The following ZNF395 variants were observed in gnomAD, a reference collection of about 807,000 sequenced individuals.
ZNF395 encodes the protein HD gene regulatory region-binding protein 2.
A neutral mutation model predicts 57.7 loss-of-function variants in ZNF395; 20 were observed. That is an observed-to-expected ratio of 0.35 (90% CI 0.24 to 0.50). ZNF395 has a LOEUF of 0.50. Ranked by LOEUF, ZNF395 falls within the 20% of genes least tolerant of loss-of-function variation. The pLI, the probability that ZNF395 is intolerant of heterozygous loss-of-function variation, is 0.97. For missense variants in ZNF395, 606 were observed against 671.2 expected (o/e 0.90, Z 1.07); for synonymous variants, 295 against 275.9 (o/e 1.07, Z -0.69).
At position 28,374,897 on chromosome 8, in the gene ZNF395, G is replaced by A. The variant is rs578213089; in HGVS notation, c.-59+11496C>T. 1.3e-5 allele frequency among the ~76,000 whole-genome samples: 2 copies of A among 152,148 alleles called. 1 individual carries two copies. The highest frequency in any genetic ancestry group is 4.1e-4 in the South Asian group (2 of 4,834). ...GCTGTCTGTGGTTTTGACTCTTTCAGATGGGAATCAGGATTCCTAATATAA... is the reference window on the plus strand; with the variant it reads ...GCTGTCTGTGGTTTTGACTCTTTCAAATGGGAATCAGGATTCCTAATATAA... On this transcript the variant is annotated intron_variant, in intron 1 of 9. Coordinates refer to ENST00000344423, the MANE Select transcript of ZNF395 (RefSeq NM_018660.3).
intron 1 of ZNF395, among the ~76,000 whole-genome samples, chr8:28,363,784 C>T (rs919253348): frequency 3.7e-4 from 56 of 152,234 alleles, no homozygotes; most frequent in African/African-American, 1.3e-3. Flanking sequence ...CCAACAAACT[C>T]GGTCGATGTT....
chr8:28,385,792 G>A (rs1257902324), intron 1 of ZNF395, among the ~76,000 whole-genome samples: 2 of 148,268 alleles, frequency 1.3e-5, no homozygotes, highest in African/African-American at 4.9e-5. Context: ...GGAGGGCGAG[G>A]TAAACAAGGC....
chr8:28,385,678 C>A (rs1475342153), intron 1 of ZNF395, among the ~76,000 whole-genome samples: 4 of 147,512 alleles, frequency 2.7e-5, no homozygotes, highest in African/African-American at 4.9e-5. Flanking sequence ...GCGGCCCCGC[C>A]GGAAAGGGCC....
rs2129943401 is a variant in ZNF395, at chr8:28,352,514, G to T, written c.920+59C>A. 6.8e-7 allele frequency: 1 copy of T among 1,479,968 alleles called. No individual in the cohort carries two copies. The highest frequency in any genetic ancestry group is 9.4e-7 in the Non-Finnish European group (1 of 1,063,434). 91.7% of individuals were successfully genotyped at this position (1,479,968 alleles called of 1,614,324 possible). Reference sequence around the variant, plus strand: ...GTGGGCTGTGGGTCACAGGGACTCGGCAGGGTGGAGGGACACCCACACGCG... The same window carrying T: ...GTGGGCTGTGGGTCACAGGGACTCGTCAGGGTGGAGGGACACCCACACGCG... On this transcript the variant is annotated intron_variant, in intron 6 of 9. Coordinates refer to ENST00000344423, the MANE Select transcript of ZNF395 (RefSeq NM_018660.3). This position sits in a 1 kb window ranked among gnomAD's most constrained non-coding sequence, Gnocchi z 4.0.
At chr8:28,358,839 GC>G (rs1801813433) in intron 3 of ZNF395, among the ~76,000 whole-genome samples, 1 of 152,214 alleles carries the variant, frequency 6.6e-6, no homozygotes, top group African/African-American at 2.4e-5. Flanking sequence ...GGACGGCCAT[GC>G]CCATTTGTTT....
At position 28,347,459 on chromosome 8, in the gene ZNF395, T is replaced by C. The variant is rs1284052411; in HGVS notation, c.*1260A>G. On this transcript the variant is annotated 3_prime_UTR_variant, in exon 10 of 10. Transcript: ENST00000344423. The stretch of plus-strand genomic sequence containing the variant: ...CGCGCAGGGCTGGTTGGCATGGTGC[T>C]ACACTCCCGAGACCTCCCTCCTTCT... 6.6e-6 allele frequency: 1 copy of C among 152,230 alleles called. No homozygotes were observed. The highest frequency in any genetic ancestry group is 2.4e-5 in the African/African-American group (1 of 41,428). 9.4% of individuals were successfully genotyped at this position (152,230 alleles called of 1,614,324 possible). A position where few individuals can be genotyped will look rare whatever the true frequency, so the allele number is the denominator to read the frequency against.
chr8:28,379,523 CAAAT>C (rs1326862425), intron 1 of ZNF395, among the ~76,000 whole-genome samples: 1 of 152,044 alleles, frequency 6.6e-6, no homozygotes, highest in African/African-American at 2.4e-5. Context: ...AAAATAGAAA[CAAAT>C]AAAAATAAAA....
At position 28,377,748 on chromosome 8, in the gene ZNF395, C is replaced by CTTT. The variant is rs71549661; in HGVS notation, c.-59+8642_-59+8644dup. 2.3e-3 allele frequency among the ~76,000 whole-genome samples: 235 copies of CTTT among 100,630 alleles called. 2 individuals are homozygous for CTTT. The highest frequency in any genetic ancestry group is 7.6e-3 in the African/African-American group (160 of 20,962). The allele number at this position is 100,630 out of a possible 152,430, so 66.0% of individuals were successfully genotyped here. On this transcript the variant is annotated intron_variant, in intron 1 of 9. Transcript: ENST00000344423. ...GAATAGAAGTGGCATGATGATCCCA[C>CTTT]TTTTTTTTTTTTTTTTTTTTTTTTT...
intron 1 of ZNF395, among the ~76,000 whole-genome samples, chr8:28,384,379 G>A (rs1802145716): frequency 1.3e-5 from 2 of 152,204 alleles, no homozygotes; most frequent in South Asian, 4.1e-4. Context: ...CCACCTCACA[G>A]CCTATCTCAA....
Position 28,346,730 on chromosome 8 carries a change from G to A in ZNF395, c.*1989C>T, listed in dbSNP as rs1443446259. On this transcript the variant is annotated 3_prime_UTR_variant, in exon 10 of 10. Coordinates refer to ENST00000344423, the MANE Select transcript of ZNF395 (RefSeq NM_018660.3). Reference sequence around the variant, plus strand: ...GGAGAGGGGAAGGGGAGGCCCTCCTGAGCGAAGTTCCCATGTGTCAAGAAC... The same window carrying A: ...GGAGAGGGGAAGGGGAGGCCCTCCTAAGCGAAGTTCCCATGTGTCAAGAAC... 1 of 151,976 alleles carries A rather than the reference G, an allele frequency of 6.6e-6. No homozygotes were observed. Among genetic ancestry groups the A allele is most frequent in the Non-Finnish European group, 1.5e-5 (1 of 68,018 alleles). The allele number at this position is 151,976 out of a possible 1,614,324, so 9.4% of individuals were successfully genotyped here. A position where few individuals can be genotyped will look rare whatever the true frequency, so the allele number is the denominator to read the frequency against.
Position 28,359,966 on chromosome 8 carries a change from T to C in ZNF395, c.241-142A>G. The C allele has an allele frequency of 7.3e-7, 1 of 1,371,862 alleles. No homozygotes were observed. Among genetic ancestry groups the C allele is most frequent in the Non-Finnish European group, 9.7e-7 (1 of 1,031,996 alleles). 85.0% of individuals were successfully genotyped at this position (1,371,862 alleles called of 1,614,324 possible). ...CTCACTCATCTTTTATTCAAGCAGATGTTCCCAGGTACTCGCTTCCCACCT... is the reference window on the plus strand; with the variant it reads ...CTCACTCATCTTTTATTCAAGCAGACGTTCCCAGGTACTCGCTTCCCACCT... On this transcript the variant is annotated intron_variant, in intron 2 of 9. Coordinates refer to ENST00000344423, the MANE Select transcript of ZNF395 (RefSeq NM_018660.3). The surrounding 1 kb of genome is among the most constrained non-coding windows in gnomAD (Gnocchi z 4.7).
chr8:28,352,695 T>A lies in ZNF395; in HGVS notation c.820-22A>T. Reference sequence around the variant, plus strand: ...AGTTCTACAGGAAAGGAAGACAGGGTGAGTGGATATGTCTTTCTCCTTATC... The same window carrying A: ...AGTTCTACAGGAAAGGAAGACAGGGAGAGTGGATATGTCTTTCTCCTTATC... On this transcript the variant is annotated intron_variant, in intron 5 of 9. Transcript: ENST00000344423. The surrounding 1 kb of genome is among the most constrained non-coding windows in gnomAD (Gnocchi z 4.0). 1.9e-6 allele frequency: 3 copies of A among 1,588,644 alleles called. No individual in the cohort carries two copies. Among genetic ancestry groups the A allele is most frequent in the Non-Finnish European group, 1.7e-6 (2 of 1,157,044 alleles).
At position 28,386,377 on chromosome 8, in the gene ZNF395, C is replaced by T. The variant is rs1323068848; in HGVS notation, c.-59+16G>A. ...GCACCCGCCCAGCACGCCCCCAGCG[C>T]GCCTGGGCTACACACCCCCGGCCGC... On this transcript the variant is annotated intron_variant, in intron 1 of 9. Transcript: ENST00000344423. 2 of 148,490 alleles carry T rather than the reference C, an allele frequency of 1.3e-5. No homozygotes were observed. Among genetic ancestry groups the T allele is most frequent in the African/African-American group, 4.9e-5 (2 of 40,404 alleles). The allele number at this position is 148,490 out of a possible 1,614,324, so 9.2% of individuals were successfully genotyped here.
Position 28,351,558 on chromosome 8 carries a change from T to C in ZNF395, c.1170A>G (p.Ser390=). 6.2e-7 allele frequency: 1 copy of C among 1,613,714 alleles called. No individual in the cohort carries two copies. Among genetic ancestry groups the C allele is most frequent in the Non-Finnish European group, 8.5e-7 (1 of 1,179,882 alleles). The change falls in exon 7 of 10, where the codon TCA becomes TCG. Residue 390 remains serine (S), a synonymous_variant. Coordinates refer to ENST00000344423, the MANE Select transcript of ZNF395 (RefSeq NM_018660.3). The part of the protein sequence containing the change: ...EHPGPESSLP[S]GALSKSAPGS... ...CAGGAGCTGACTTGCTGAGAGCCCC[T>C]GAGGGCAGGGAGGACTCCGGGCCAG...
chr8:28,381,675 T>G (rs536597804), intron 1 of ZNF395, among the ~76,000 whole-genome samples: 2 of 152,076 alleles, frequency 1.3e-5, no homozygotes, highest in African/African-American at 2.4e-5. Context: ...TGGGAGCCAT[T>G]TGGATCAATA....
At chr8:28,372,200 A>T (rs550385327) in intron 1 of ZNF395, among the ~76,000 whole-genome samples, 1 of 151,822 alleles carries the variant, frequency 6.6e-6, no homozygotes, top group East Asian at 1.9e-4. Context: ...GAGGCAATGA[A>T]TTTTTTTTTC....
intron 1 of ZNF395, among the ~76,000 whole-genome samples, chr8:28,378,241 T>C (rs549969037): frequency 2.6e-5 from 4 of 151,594 alleles, no homozygotes; most frequent in East Asian, 3.9e-4. Flanking sequence ...TTTCCTTTTT[T>C]TGAGTCGAGG....
intron 1 of ZNF395, among the ~76,000 whole-genome samples, chr8:28,381,528 G>A: frequency 6.6e-6 from 1 of 152,078 alleles, no homozygotes; most frequent in Non-Finnish European, 1.5e-5. Context: ...TAAACATCAG[G>A]GTACTATTTG....
chr8:28,380,802 A>C (rs1371599027), intron 1 of ZNF395, among the ~76,000 whole-genome samples: 1 of 152,218 alleles, frequency 6.6e-6, no homozygotes, highest in Non-Finnish European at 1.5e-5. Flanking sequence ...CGATAGCCAC[A>C]CATTGTTAAA....
Sources: allele counts gnomAD v4.1 joint callset (sites outside exome capture counted in the v4.1 genomes callset), GRCh38; gene constraint gnomAD v4.1.1; non-coding constraint Gnocchi (gnomAD v3.1); transcripts MANE v1.5; gene names NCBI Gene and HGNC (gene_info 2026-07-23, HGNC 2026-07-21).